NRG1: variants seen among roughly 807,000 people sequenced by gnomAD.
NRG1 encodes the protein neuregulin 1.
A neutral mutation model predicts 63.8 loss-of-function variants in NRG1; 18 were observed. The observed-to-expected ratio is 0.28, with a 90% confidence interval of 0.19 to 0.42. The LOEUF is 0.42. Ranked by LOEUF, NRG1 falls within the 10% of genes least tolerant of loss-of-function variation. The pLI is 1.00. For missense variants in NRG1, 762 were observed against 814.7 expected, an observed-to-expected ratio of 0.94 and a Z score of 0.79; for synonymous variants, 302 against 301.3, an observed-to-expected ratio of 1.00 and a Z score of -0.02.
intron 1 of NRG1, among the ~76,000 whole-genome samples, chr8:32,024,483 G>C (rs1816937282): frequency 6.6e-6 from 1 of 152,210 alleles, no homozygotes; most frequent in Non-Finnish European, 1.5e-5. Flanking sequence ...TGGAGTTATC[G>C]TGAGTGGAAC....
At chr8:31,781,949 G>C (rs906541229) in intron 1 of NRG1, among the ~76,000 whole-genome samples, 1 of 152,098 alleles carries the variant, frequency 6.6e-6, no homozygotes, top group South Asian at 2.1e-4. Flanking sequence ...AAGAGGAAGA[G>C]AGTGGGCACT....
intron 1 of NRG1, among the ~76,000 whole-genome samples, chr8:32,534,222 A>G (rs1296671938): frequency 1.3e-5 from 2 of 152,154 alleles, no homozygotes; most frequent in African/African-American, 4.8e-5. Context: ...GTAATTCCAC[A>G]ACCATGCCTT....
chr8:31,787,596 G>A (rs1458055644), intron 1 of NRG1, among the ~76,000 whole-genome samples: 1 of 152,182 alleles, frequency 6.6e-6, no homozygotes, highest in Non-Finnish European at 1.5e-5. Flanking sequence ...GATGGAAGAT[G>A]TATGAATATG....
chr8:32,343,084 T>G (rs1804281914), intron 1 of NRG1, among the ~76,000 whole-genome samples: 1 of 152,152 alleles, frequency 6.6e-6, no homozygotes, highest in South Asian at 2.1e-4. Flanking sequence ...AAAAGTTCAA[T>G]CAACCATTTC....
chr8:32,707,631 T>C (rs1816757030), intron 5 of NRG1, among the ~76,000 whole-genome samples: 1 of 152,040 alleles, frequency 6.6e-6, no homozygotes, highest in South Asian at 2.1e-4. Flanking sequence ...ATGATATTAA[T>C]AAAAGATTTA....
At chr8:32,727,194 A>G (rs1359644905) in intron 5 of NRG1, among the ~76,000 whole-genome samples, 1 of 152,212 alleles carries the variant, frequency 6.6e-6, no homozygotes, top group Non-Finnish European at 1.5e-5. Context: ...AGTTCATTAT[A>G]TGAAGGTGTT....
At chr8:32,461,418 G>C (rs905636198) in intron 1 of NRG1, among the ~76,000 whole-genome samples, 2 of 152,102 alleles carry the variant, frequency 1.3e-5, no homozygotes, top group African/African-American at 4.8e-5. Flanking sequence ...CTCAAAGATG[G>C]CTGGGCGCGG....
chr8:32,619,740 T>C (rs73588702), intron 5 of NRG1, among the ~76,000 whole-genome samples: 3,895 of 152,378 alleles, frequency 0.026, 80 homozygotes, highest in Middle Eastern at 0.1. Flanking sequence ...TTTTCTTCTT[T>C]GGCTTTTTCA....
intron 1 of NRG1, among the ~76,000 whole-genome samples, chr8:32,233,493 T>G (rs1847175215): frequency 2.0e-5 from 3 of 147,902 alleles, no homozygotes; most frequent in Admixed American, 6.9e-5. Flanking sequence ...TGGCAACATC[T>G]GTTAAGGGAT....
intron 1 of NRG1, among the ~76,000 whole-genome samples, chr8:31,926,857 A>G (rs1834398437): frequency 6.6e-6 from 1 of 152,178 alleles, no homozygotes; most frequent in African/African-American, 2.4e-5. Context: ...GCTTTCAGCA[A>G]CATCCTCTCT....
chr8:32,040,637 G>GTA (rs1196859259), intron 1 of NRG1, among the ~76,000 whole-genome samples: 3 of 144,306 alleles, frequency 2.1e-5, no homozygotes, highest in Non-Finnish European at 3.0e-5. Context: ...ACGTATGTAT[G>GTA]TATATATATG....
Position 32,330,630 on chromosome 8 carries a change from G to T in NRG1, c.38-265198G>T, listed in dbSNP as rs145992562. Among the ~76,000 whole-genome samples the T allele has an allele frequency of 2.3e-4, 35 of 152,308 alleles. No individual in the cohort carries two copies. In the East Asian group the frequency reaches 5.8e-3, roughly 25 times the overall value. ...TAAGTCACTTTGTCCAGTCATTGGG[G>T]TTGACCCCAGGAAAAGGTATGGTTT... is the stretch of plus-strand genomic sequence containing the variant. On this transcript the variant is annotated intron_variant, in intron 1 of 10. Transcript: ENST00000519301.
rs372054411 is a variant in NRG1 at position 32,001,405 on chromosome 8, T to G, written c.37+361974T>G. ...ATGACTTTGTTCCCCCTTTGCCTTC[T>G]GCCATGATTGTGAGGCCTCCAGAGC... On this transcript the variant is annotated intron_variant, in intron 1 of 10. Coordinates refer to the NRG1 transcript ENST00000519301. Among the ~76,000 whole-genome samples the G allele has an allele frequency of 4.6e-5, 7 of 152,150 alleles. No individual in the cohort carries two copies. The East Asian group carries it at 9.7e-4, about 21-fold the overall frequency.
At chr8:32,740,268 T>C (rs2129036516) in intron 6 of NRG1, among the ~76,000 whole-genome samples, 1 of 144,330 alleles carries the variant, frequency 6.9e-6, no homozygotes, top group South Asian at 2.2e-4. Context: ...CGATCTCAGC[T>C]TACTGCAACC....
intron 1 of NRG1, among the ~76,000 whole-genome samples, chr8:32,178,750 G>A (rs1274196572): frequency 1.3e-5 from 2 of 152,090 alleles, no homozygotes; most frequent in African/African-American, 2.4e-5. Flanking sequence ...TAGTAAGAGT[G>A]GAGAGGAATA....
At chr8:31,845,969 A>T (rs1158730655) in intron 1 of NRG1, among the ~76,000 whole-genome samples, 1 of 152,076 alleles carries the variant, frequency 6.6e-6, no homozygotes, top group Non-Finnish European at 1.5e-5. Context: ...TTTTTTCCTG[A>T]TATCTTAAAA....
chr8:31,788,309 A>T (rs1475352864), intron 1 of NRG1, among the ~76,000 whole-genome samples: 1 of 152,146 alleles, frequency 6.6e-6, no homozygotes. Flanking sequence ...TGTATTATAA[A>T]TGCTCTTTTA....
At chr8:31,946,158 T>A (rs963977556) in intron 1 of NRG1, among the ~76,000 whole-genome samples, 6 of 152,222 alleles carry the variant, frequency 3.9e-5, no homozygotes, top group African/African-American at 1.4e-4. Context: ...CCTAAACAAT[T>A]CATCATTTGT....
chr8:32,474,429 C>T (rs914040710), intron 1 of NRG1, among the ~76,000 whole-genome samples: 2 of 151,918 alleles, frequency 1.3e-5, no homozygotes, highest in Non-Finnish European at 2.9e-5. Flanking sequence ...CAAAAGCATC[C>T]CTTCCCTCCA....
Sources: gnomAD v4.1 joint callset for allele counts (sites outside exome capture counted in the v4.1 genomes callset) on GRCh38, gnomAD v4.1.1 for gene constraint, MANE v1.5 for transcripts, NCBI Gene and HGNC (gene_info 2026-07-23, HGNC 2026-07-21) for gene names.